PCDHGB6: variants seen among roughly 807,000 people sequenced by gnomAD.
The protein encoded by PCDHGB6 is protocadherin gamma subfamily B, 6, also known as protocadherin gamma-B6.
Under a neutral mutation model 59.1 loss-of-function variants are expected in PCDHGB6, and 51 were observed. That is an observed-to-expected ratio of 0.86 (90% CI 0.69 to 1.09). The LOEUF (loss-of-function observed/expected upper bound fraction) is 1.09, where lower values mean the gene tolerates loss of function less well. PCDHGB6 is among the 50% of genes least tolerant of loss of function. PCDHGB6 has a pLI of 0.00. For synonymous variants in PCDHGB6, 466 were observed against 495.1 expected, an observed-to-expected ratio of 0.94 and a Z score of 0.78; for missense variants, 1,148 against 1,205.1, an observed-to-expected ratio of 0.95 and a Z score of 0.70.
rs1433834175 is a variant in PCDHGB6 at position 141,408,478 on chromosome 5, T to C, written c.276T>C (p.Arg92=). 6.2e-7 allele frequency: 1 copy of C among 1,614,056 alleles called. No homozygotes were observed. Among genetic ancestry groups the C allele is most frequent in the Non-Finnish European group, 8.5e-7 (1 of 1,179,908 alleles). Residue 92 remains arginine, a synonymous_variant, in exon 1 of 4, where the codon CGT becomes CGC. Coordinates refer to ENST00000520790, the MANE Select transcript of PCDHGB6 (RefSeq NM_018926.3). ...TACTTGTGAAGAACCGAATAGACCG[T>C]GAGCAAATATGCAAAGAGAGAAGAA... The part of the protein sequence containing the change: ...GDLLVKNRID[R]EQICKERRRC...
In PCDHGB6 at chr5:141,408,144, G is replaced by C. The variant is rs868032463; in HGVS notation, c.-59G>C. ...CCTGGGCCGAATGCTCTTTTAGCGC[G>C]GTAGAGTGCACTTTCTCCAACTGGA... On this transcript the variant is annotated 5_prime_UTR_variant, in exon 1 of 4. Coordinates refer to ENST00000520790, the MANE Select transcript of PCDHGB6 (RefSeq NM_018926.3). The C allele has an allele frequency of 2.7e-6, 4 of 1,496,186 alleles. No homozygotes were observed. The highest frequency in any genetic ancestry group is 2.5e-5 in the East Asian group (1 of 40,550). 92.7% of individuals were successfully genotyped at this position (1,496,186 alleles called of 1,614,324 possible). A position where few individuals can be genotyped will look rare whatever the true frequency, so the allele number is the denominator to read the frequency against.
At chr5:141,507,443 G>A (rs2099860678) in intron 3 of PCDHGB6, among the ~76,000 whole-genome samples, 2 of 152,200 alleles carry the variant, frequency 1.3e-5, no homozygotes. Flanking sequence ...TACAGCTGAC[G>A]GAAGGACAGA....
rs1485520054 is a variant in PCDHGB6 at position 141,511,210 on chromosome 5, C to T, written c.*37C>T. 6.2e-7 allele frequency: 1 copy of T among 1,609,328 alleles called. No individual in the cohort carries two copies. The highest frequency in any genetic ancestry group is 1.3e-5 in the African/African-American group (1 of 74,896). ...GGCCAAGAGCCACAGGGCGGCCTCT[C>T]CCCAACCAGCCCAGCTTCTCCTTAC... On this transcript the variant is annotated 3_prime_UTR_variant, in exon 4 of 4. Transcript: ENST00000520790.
intron 1 of PCDHGB6, chr5:141,422,399 T>A: frequency 1.3e-6 from 2 of 1,598,374 alleles, no homozygotes; most frequent in Non-Finnish European, 1.7e-6. Context: ...CCTAACCACC[T>A]GCCTTTTAAA....
intron 1 of PCDHGB6, chr5:141,415,423 G>A: frequency 1.2e-6 from 2 of 1,614,204 alleles, no homozygotes; most frequent in Non-Finnish European, 1.7e-6. Context: ...CGTGGACGGG[G>A]TTCGGGCTTT....
At chr5:141,413,148 CTT>C (rs2095608671) in intron 1 of PCDHGB6, 2 of 1,570,414 alleles carry the variant, frequency 1.3e-6, no homozygotes, top group South Asian at 1.2e-5. Flanking sequence ...CCAGTGAGGA[CTT>C]TGCAGAATTC....
intron 1 of PCDHGB6, chr5:141,419,164 C>G: frequency 6.2e-7 from 1 of 1,613,966 alleles, no homozygotes; most frequent in Non-Finnish European, 8.5e-7. Context: ...TATCCTCCAG[C>G]AAAACCATAA....
chr5:141,483,892 A>C (rs1463395859), intron 1 of PCDHGB6, among the ~76,000 whole-genome samples: 1 of 151,652 alleles, frequency 6.6e-6, no homozygotes, highest in Non-Finnish European at 1.5e-5. Flanking sequence ...TATTTCTCTG[A>C]GCTCTGGTGT....
rs750109717 is a variant in PCDHGB6, at chr5:141,490,546, A to C, written c.2419-4261A>C. 1.9e-6 allele frequency: 3 copies of C among 1,614,110 alleles called. No individual in the cohort carries two copies. Among genetic ancestry groups the C allele is most frequent in the Non-Finnish European group, 2.5e-6 (3 of 1,180,036 alleles). On this transcript the variant is annotated intron_variant, in intron 1 of 3. Transcript: ENST00000520790. The surrounding 1 kb of genome is among the most constrained non-coding windows in gnomAD (Gnocchi z 5.4). ...CGATGCTGGTTCACCTTCCCTACAC[A>C]AACATCTCACCATCAGGCTCAACAT...
intron 1 of PCDHGB6, chr5:141,417,676 C>A (rs902104404): frequency 4.0e-6 from 4 of 993,448 alleles, no homozygotes; most frequent in Middle Eastern, 3.3e-4. Flanking sequence ...GCGCAGCCAA[C>A]AACAGAAAAG....
chr5:141,418,749 C>A, intron 1 of PCDHGB6: 1 of 1,613,866 alleles, frequency 6.2e-7, no homozygotes, highest in South Asian at 1.1e-5. Flanking sequence ...CTGGATTACA[C>A]TACAGGAAAC....
In PCDHGB6 at chr5:141,511,281, G is replaced by A; in HGVS notation, c.*108G>A. The A allele has an allele frequency of 2.0e-6, 3 of 1,531,280 alleles. No homozygotes were observed. Among genetic ancestry groups the A allele is most frequent in the Non-Finnish European group, 2.6e-6 (3 of 1,137,132 alleles). 94.9% of individuals were successfully genotyped at this position (1,531,280 alleles called of 1,614,324 possible). ...TTCAGGGCTAACCCCCAGAATACTG[G>A]TAGGGGCCAAGGCCATGCTCCCCTT... On this transcript the variant is annotated 3_prime_UTR_variant, in exon 4 of 4. Transcript: ENST00000520790.
At chr5:141,421,164 A>C (rs1304650780) in intron 1 of PCDHGB6, 9 of 1,286,298 alleles carry the variant, frequency 7.0e-6, no homozygotes, top group Non-Finnish European at 9.4e-6. Context: ...GACTTCATAG[A>C]TACATAAGCC....
intron 1 of PCDHGB6, 95 bp downstream of exon 1, chr5:141,410,715 G>A: frequency 1.4e-6 from 2 of 1,422,782 alleles, no homozygotes; most frequent in Non-Finnish European, 1.9e-6. Context: ...AGAATCATAT[G>A]TTTAAAATCC....
chr5:141,433,906 A>G (rs1218318743), intron 1 of PCDHGB6, among the ~76,000 whole-genome samples: 1 of 151,412 alleles, frequency 6.6e-6, no homozygotes, highest in Non-Finnish European at 1.5e-5. Flanking sequence ...ATCACTTATT[A>G]CAATCACCTC....
chr5:141,437,306 C>T (rs1462689998), intron 1 of PCDHGB6, among the ~76,000 whole-genome samples: 1 of 152,104 alleles, frequency 6.6e-6, no homozygotes, highest in Non-Finnish European at 1.5e-5. Flanking sequence ...CAAGTTAAAG[C>T]GTTCAGCTAT....
At chr5:141,460,951 G>GTATATATA (rs200454978) in intron 1 of PCDHGB6, among the ~76,000 whole-genome samples, 42 of 139,772 alleles carry the variant, frequency 3.0e-4, no homozygotes, top group African/African-American at 1.1e-3. Context: ...TATGTATTAT[G>GTATATATA]TATATATATA....
intron 1 of PCDHGB6, among the ~76,000 whole-genome samples, chr5:141,448,430 T>C (rs1468604001): frequency 6.6e-6 from 1 of 152,186 alleles, no homozygotes; most frequent in African/African-American, 2.4e-5. Flanking sequence ...TATGTATATA[T>C]TGAGAAGTCT....
At chr5:141,474,871 A>G (rs894657981) in intron 1 of PCDHGB6, among the ~76,000 whole-genome samples, 5 of 152,236 alleles carry the variant, frequency 3.3e-5, no homozygotes, top group African/African-American at 1.2e-4. Context: ...ATAGGATAGG[A>G]GCAGGAACTC....
Sources: allele counts gnomAD v4.1 joint callset (sites outside exome capture counted in the v4.1 genomes callset), GRCh38; gene constraint gnomAD v4.1.1; non-coding constraint Gnocchi (gnomAD v3.1); transcripts MANE v1.5; gene names NCBI Gene and HGNC (gene_info 2026-07-23, HGNC 2026-07-21).